Variants in DMD observed in about 807,000 individuals in gnomAD.
DMD encodes mutant dystrophin.
Under a neutral mutation model 330.1 loss-of-function variants are expected in DMD, and 63 were observed. The ratio of observed to expected loss-of-function variants is 0.19; its 90% CI spans 0.16 to 0.24. The LOEUF (loss-of-function observed/expected upper bound fraction) is 0.24. Ranked by LOEUF, DMD falls within the 10% of genes least tolerant of loss-of-function variation. The pLI is 1.00. For missense variants in DMD, 3,344 were observed against 2,684.1 expected, an observed-to-expected ratio of 1.25 and a Z score of -5.43; for synonymous variants, 1,223 against 959.8, an observed-to-expected ratio of 1.27 and a Z score of -5.07.
At chrX:31,204,868 T>C (rs1216774606) in intron 66 of DMD, among the ~76,000 whole-genome samples, 1 of 112,245 alleles carries the variant, frequency 8.9e-6, no homozygotes, top group African/African-American at 3.2e-5. Context: ...GTGATCCTCC[T>C]ACCTCGGCCT....
intron 44 of DMD, among the ~76,000 whole-genome samples, chrX:32,113,259 A>G (rs190181335): frequency 8.9e-6 from 1 of 112,719 alleles, no homozygotes; most frequent in African/African-American, 3.2e-5. Flanking sequence ...TAGGGTGACT[A>G]TAGTTAATGA....
intron 1 of DMD, among the ~76,000 whole-genome samples, chrX:33,252,739 T>C (rs1195994225): frequency 1.8e-5 from 2 of 111,368 alleles, no homozygotes; most frequent in African/African-American, 6.5e-5. Context: ...CATCTGAAAT[T>C]TTTATTAAAG....
chrX:33,113,133 G>A (rs1420767591), intron 1 of DMD, among the ~76,000 whole-genome samples: 2 of 101,578 alleles, frequency 2.0e-5, no homozygotes, highest in Admixed American at 1.1e-4. Context: ...GGCTCACTGC[G>A]ACCTCTGCCT....
intron 59 of DMD, among the ~76,000 whole-genome samples, chrX:31,474,563 A>T (rs1234992987): frequency 9.4e-6 from 1 of 106,010 alleles, no homozygotes; most frequent in African/African-American, 3.5e-5. Flanking sequence ...AAAAAAAAAT[A>T]GCTGGGCATG....
intron 7 of DMD, among the ~76,000 whole-genome samples, chrX:32,707,767 A>C (rs2064813607): frequency 8.9e-6 from 1 of 112,091 alleles, no homozygotes; most frequent in Non-Finnish European, 1.9e-5. Flanking sequence ...CACTAACTTG[A>C]CATAACAAAT....
intron 16 of DMD, among the ~76,000 whole-genome samples, chrX:32,558,933 ATTTTCTT>A (rs2050638869): frequency 1.6e-5 from 1 of 64,323 alleles, no homozygotes; most frequent in African/African-American, 7.4e-5. Flanking sequence ...GTAACTTCAA[ATTTTCTT>A]TTTTTTTTTT....
chrX:31,429,181 A>G (rs982469683), intron 60 of DMD, among the ~76,000 whole-genome samples: 1 of 111,592 alleles, frequency 9.0e-6, no homozygotes, highest in Non-Finnish European at 1.9e-5. Flanking sequence ...TATGATAGGA[A>G]AAACCAGAAA....
chrX:33,097,243 A>T (rs1345181489), intron 1 of DMD, among the ~76,000 whole-genome samples: 2 of 110,072 alleles, frequency 1.8e-5, no homozygotes, highest in East Asian at 5.7e-4. Flanking sequence ...TTAAAGCAAT[A>T]ACACAAGCAT....
rs1009511167 is a variant in DMD, at chrX:32,532,898, T to C, written c.2168+12261A>G. Among the ~76,000 whole-genome samples the C allele has an allele frequency of 3.6e-5, 4 of 112,133 alleles. No individual in the cohort carries two copies. The East Asian group carries it at 8.4e-4, about 24-fold the overall frequency. On this transcript the variant is annotated intron_variant, in intron 17 of 78. Transcript: ENST00000357033. ...CTCATTTTACCCATTAGTGCCGGAA[T>C]CCCCAAAGTATGTTCTATGGGACAA...
At position 32,333,834 on chromosome X, in the gene DMD, T is replaced by A. The variant is rs966841996; in HGVS notation, c.5922+8266A>T. 4.5e-5 allele frequency among the ~76,000 whole-genome samples: 5 copies of A among 111,934 alleles called. No homozygotes were observed. The Admixed American group carries it at 4.8e-4, about 11-fold the overall frequency. The stretch of plus-strand genomic sequence containing the variant: ...TTTTGTCCTAAAAGGTCTTGAAAAC[T>A]TCTTCCTAGCCATTAGGCTCTCAAT... On this transcript the variant is annotated intron_variant, in intron 41 of 78. Coordinates refer to ENST00000357033, the MANE Select transcript of DMD (RefSeq NM_004006.3).
chrX:33,010,252 A>G (rs2093669264), intron 2 of DMD, among the ~76,000 whole-genome samples: 2 of 107,301 alleles, frequency 1.9e-5, no homozygotes, highest in Admixed American at 2.0e-4. Context: ...ATGTGTGTAT[A>G]TATGTACAAA....
chrX:32,474,760 T>G (rs1368361447), intron 21 of DMD, among the ~76,000 whole-genome samples: 2 of 111,878 alleles, frequency 1.8e-5, no homozygotes, highest in African/African-American at 6.5e-5. Flanking sequence ...ATTAGTCCTT[T>G]GTCAGATGTA....
intron 41 of DMD, among the ~76,000 whole-genome samples, chrX:32,311,422 GTTTTGT>G (rs918305028): frequency 2.7e-4 from 30 of 111,296 alleles, no homozygotes; most frequent in African/African-American, 9.1e-4. Context: ...GTCACTTTAT[GTTTTGT>G]TTTTAATTTC....
At chrX:33,140,962 T>C (rs1416719323) in intron 1 of DMD, among the ~76,000 whole-genome samples, 1 of 112,337 alleles carries the variant, frequency 8.9e-6, no homozygotes, top group African/African-American at 3.2e-5. Context: ...ATATACAATA[T>C]ACAAAATCAT....
chrX:33,265,686 G>A (rs1156597281), intron 1 of DMD, among the ~76,000 whole-genome samples: 5 of 110,897 alleles, frequency 4.5e-5, no homozygotes, highest in South Asian at 3.8e-4. Context: ...AACAAAATAC[G>A]TAAAGATAAA....
intron 23 of DMD, among the ~76,000 whole-genome samples, chrX:32,465,949 C>A (rs191454961): frequency 9.0e-6 from 1 of 111,460 alleles, no homozygotes; most frequent in East Asian, 2.8e-4. Flanking sequence ...TCGGTCTCAC[C>A]TCATTCTAAT....
At position 31,679,492 on chromosome X, in the gene DMD, C is replaced by G. The variant is rs762394978; in HGVS notation, c.7755G>C (p.Trp2585Cys). 2.5e-6 allele frequency: 3 copies of G among 1,211,825 alleles called. No individual in the cohort carries two copies. The highest frequency in any genetic ancestry group is 3.0e-5 in the East Asian group (1 of 33,840). Reference sequence around the variant, plus strand: ...GCTCAGCTTCTTCCTTAGCTTCCAGCCATTGTGTTGAATCCTTTAACATTT... The same window carrying G: ...GCTCAGCTTCTTCCTTAGCTTCCAGGCATTGTGTTGAATCCTTTAACATTT... ...LNEMLKDSTQ[W>C]LEAKEEAEQV... The change falls in exon 53 of 79, where the codon TGG (tryptophan) becomes TGC (cysteine). Residue 2585 changes from tryptophan to cysteine, a missense_variant. Coordinates refer to ENST00000357033, the MANE Select transcript of DMD (RefSeq NM_004006.3).
At chrX:31,333,352 T>C (rs1436559792) in intron 61 of DMD, among the ~76,000 whole-genome samples, 1 of 108,480 alleles carries the variant, frequency 9.2e-6, no homozygotes, top group Non-Finnish European at 1.9e-5. Flanking sequence ...AATGGAATTC[T>C]CTGACCTGAA....
intron 19 of DMD, among the ~76,000 whole-genome samples, chrX:32,500,142 C>G (rs983704325): frequency 9.0e-6 from 1 of 110,654 alleles, no homozygotes; most frequent in Admixed American, 9.7e-5. Context: ...CCCTACCCCC[C>G]AGTGTTCCCT....
Sources: allele counts gnomAD v4.1 joint callset (sites outside exome capture counted in the v4.1 genomes callset), GRCh38; gene constraint gnomAD v4.1.1; transcripts MANE v1.5; gene names NCBI Gene and HGNC (gene_info 2026-07-23, HGNC 2026-07-21).